Variants in STAC observed in about 807,000 individuals in gnomAD.
STAC encodes the protein SH3 and cysteine-rich domain-containing protein.
In STAC, 43 loss-of-function variants were observed where a neutral mutation model predicts 48.8. The ratio of observed to expected loss-of-function variants is 0.88; its 90% confidence interval spans 0.69 to 1.14. The LOEUF is 1.14. STAC is among the 50% of genes most tolerant of loss of function. The probability of loss-of-function intolerance (pLI) is 0.00; values close to 1 mark genes in which losing one functional copy is unlikely to be tolerated. For synonymous variants in STAC, 193 were observed against 179.5 expected, an observed-to-expected ratio of 1.07 and a Z score of -0.60; for missense variants, 497 against 504.0, an observed-to-expected ratio of 0.99 and a Z score of 0.13.
Position 36,443,428 on chromosome 3 carries a change from A to G in STAC, c.176A>G (p.Asn59Ser), listed in dbSNP as rs1040183537. The change falls in exon 2 of 11, where the codon AAC becomes AGC. Residue 59 changes from asparagine to serine, a missense_variant. Asn to Ser is a conservative substitution (Grantham distance 46). Coordinates refer to ENST00000273183, the MANE Select transcript of STAC (RefSeq NM_003149.3). The surrounding 1 kb of genome is among the most constrained non-coding windows in gnomAD (Gnocchi z 4.2). ...AGTTTACGGAGCAAAAGTGCTGACA[A>G]CTTCTTCCAGCGAACCAACAGCGAA... is the stretch of plus-strand genomic sequence containing the variant. ...TKSLRSKSAD[N>S]FFQRTNSEDM... 4 of 1,614,094 alleles carry G rather than the reference A, an allele frequency of 2.5e-6. No homozygotes were observed. The African/African-American group carries it at 4.0e-5, about 16-fold the overall frequency.
chr3:36,416,935 C>A (rs1342894458), intron 1 of STAC, among the ~76,000 whole-genome samples: 2 of 152,140 alleles, frequency 1.3e-5, no homozygotes, highest in Admixed American at 1.3e-4. Flanking sequence ...CTGTTTATAA[C>A]CCCCATCACC....
intron 8 of STAC, among the ~76,000 whole-genome samples, chr3:36,522,867 T>A (rs185221222): frequency 1.6e-3 from 251 of 152,258 alleles, no homozygotes; most frequent in African/African-American, 5.7e-3. Flanking sequence ...TCAGGGCAAC[T>A]CATACTCCTT....
rs772134697 is a variant in STAC, at chr3:36,443,651, C to T, written c.388+11C>T. 1 of 1,606,366 alleles carries T rather than the reference C, an allele frequency of 6.2e-7. No individual in the cohort carries two copies. The highest frequency in any genetic ancestry group is 1.1e-5 in the South Asian group (1 of 91,044). On this transcript the variant is annotated intron_variant, in intron 2 of 10. Coordinates refer to ENST00000273183, the MANE Select transcript of STAC (RefSeq NM_003149.3). The surrounding 1 kb of genome is among the most constrained non-coding windows in gnomAD (Gnocchi z 4.2). ...ACCACATGATAGTGGGTAAGGCCTC[C>T]CACCCCTTTCTCCAGATCCCAGCAC...
chr3:36,441,137 A>G (rs1347928523), intron 1 of STAC, among the ~76,000 whole-genome samples: 1 of 152,064 alleles, frequency 6.6e-6, no homozygotes, highest in East Asian at 1.9e-4. Flanking sequence ...GAAACTATAT[A>G]ATGTATTGTT....
At chr3:36,385,780 C>T (rs1427181257) in intron 1 of STAC, among the ~76,000 whole-genome samples, 1 of 152,070 alleles carries the variant, frequency 6.6e-6, no homozygotes, top group Non-Finnish European at 1.5e-5. Flanking sequence ...ACTTCTTTCA[C>T]TCAACATTAT....
chr3:36,478,999 G>A (rs894002871), intron 2 of STAC, among the ~76,000 whole-genome samples: 1 of 152,150 alleles, frequency 6.6e-6, no homozygotes. Flanking sequence ...CCAGTGTACA[G>A]GTACTACAGA....
chr3:36,445,419 T>C (rs1396559006), intron 2 of STAC, among the ~76,000 whole-genome samples: 2 of 151,668 alleles, frequency 1.3e-5, no homozygotes, highest in Non-Finnish European at 2.9e-5. Flanking sequence ...AATATTAGGC[T>C]CCTTTCAGGA....
chr3:36,413,636 A>G (rs965458089), intron 1 of STAC, among the ~76,000 whole-genome samples: 20 of 152,272 alleles, frequency 1.3e-4, no homozygotes, highest in Non-Finnish European at 2.5e-4. Flanking sequence ...CCAATTTGCC[A>G]GTCTGTGTCT....
At chr3:36,506,084 C>T in intron 8 of STAC, 1 of 314,430 alleles carries the variant, frequency 3.2e-6, no homozygotes, top group East Asian at 5.7e-5. Context: ...ACTGACAATG[C>T]TGTCCAAGGA....
chr3:36,527,026 T>C (rs1349136397), intron 8 of STAC, among the ~76,000 whole-genome samples: 1 of 152,132 alleles, frequency 6.6e-6, no homozygotes, highest in Admixed American at 6.5e-5. Flanking sequence ...CGCTGCTCCC[T>C]TAAACAGAGC....
rs953696343 is a variant in STAC at position 36,380,680 on chromosome 3, GA to G, written c.38del (p.Asp13AlafsTer29). 6.2e-7 allele frequency: 1 copy of G among 1,608,370 alleles called. No individual in the cohort carries two copies. The highest frequency in any genetic ancestry group is 8.5e-7 in the Non-Finnish European group (1 of 1,177,956). ...GAGCAGCCCCCGCGAGGACGGCGTG[GA>G]CGGGCTGCCCAAGGAGGCGGTGGGC... ...PPSSPREDGVDGLPKEAVGAE... is the reference protein window; with the variant it reads ...PPSSPREDGVXGLPKEAVGAE... On this transcript the variant is annotated frameshift_variant, in exon 1 of 11. Coordinates refer to ENST00000273183, the MANE Select transcript of STAC (RefSeq NM_003149.3). LOFTEE classifies it high-confidence loss of function.
intron 1 of STAC, among the ~76,000 whole-genome samples, chr3:36,394,375 G>A (rs1271886216): frequency 6.6e-6 from 1 of 152,174 alleles, no homozygotes; most frequent in African/African-American, 2.4e-5. Context: ...GGACTTCATT[G>A]TCTGTGCTAA....
chr3:36,434,085 C>T (rs1454960242), intron 1 of STAC, among the ~76,000 whole-genome samples: 2 of 152,186 alleles, frequency 1.3e-5, no homozygotes, highest in African/African-American at 4.8e-5. Flanking sequence ...TCACTCTCTG[C>T]CCATTGAGTT....
At chr3:36,449,462 T>C (rs1020565763) in intron 2 of STAC, among the ~76,000 whole-genome samples, 4 of 152,232 alleles carry the variant, frequency 2.6e-5, no homozygotes, top group Non-Finnish European at 4.4e-5. Flanking sequence ...TTGTTAAGAC[T>C]TCAATATAAG....
intron 10 of STAC, among the ~76,000 whole-genome samples, chr3:36,535,821 C>G (rs559464367): frequency 6.6e-6 from 1 of 152,308 alleles, no homozygotes; most frequent in East Asian, 1.9e-4. Context: ...ATGAAGCCAA[C>G]TTGATCATGG....
At chr3:36,545,092 C>T (rs1006994471) in intron 10 of STAC, among the ~76,000 whole-genome samples, 1 of 152,190 alleles carries the variant, frequency 6.6e-6, no homozygotes, top group Non-Finnish European at 1.5e-5. Flanking sequence ...GCACTCATCT[C>T]CCAGTTGCTA....
rs1699443153 is a variant in STAC, at chr3:36,546,259, C to T, written c.1179C>T (p.Leu393=). ...TCCTCAGTGGAAAAAAGAAAGGCCT[C>T]ATCCCCCTTGATGTACTAGAAAACA... ...IRVLSGKKKG[L]IPLDVLENI is the part of the protein sequence containing the mutation. The change falls in exon 11 of 11, where the codon CTC becomes CTT. Residue 393 remains leucine (L), a synonymous_variant. Transcript: ENST00000273183. 1 of 1,614,084 alleles carries T rather than the reference C, an allele frequency of 6.2e-7. No homozygotes were observed.
At chr3:36,393,286 C>T (rs1362405039) in intron 1 of STAC, among the ~76,000 whole-genome samples, 1 of 152,142 alleles carries the variant, frequency 6.6e-6, no homozygotes, top group African/African-American at 2.4e-5. Context: ...ACCCTCAACT[C>T]CCTTGCTCCT....
intron 6 of STAC, 45 bp from the exon 7 acceptor site, chr3:36,504,347 TG>T: frequency 2.6e-6 from 4 of 1,526,626 alleles, no homozygotes; most frequent in Non-Finnish European, 3.6e-6. Context: ...TTTGTTTAAA[TG>T]GTAACTAGAT....
Sources: allele counts gnomAD v4.1 joint callset (sites outside exome capture counted in the v4.1 genomes callset), GRCh38; gene constraint gnomAD v4.1.1; non-coding constraint Gnocchi (gnomAD v3.1); transcripts MANE v1.5; gene names NCBI Gene and HGNC (gene_info 2026-07-23, HGNC 2026-07-21).